The following HMCN2 variants were observed in gnomAD, a reference collection of about 807,000 sequenced individuals.
The protein encoded by HMCN2 is hemicentin 2.
Under a neutral mutation model 377.5 loss-of-function variants are expected in HMCN2, and 325 were observed. That is an observed-to-expected ratio of 0.86 (90% CI 0.79 to 0.94). The LOEUF (loss-of-function observed/expected upper bound fraction) is 0.94. Among genes scored for constraint, HMCN2 ranks in the 40% least tolerant of loss-of-function variants. HMCN2 has a pLI of 0.00. For synonymous variants in HMCN2, 2,007 were observed against 2,046.8 expected, an observed-to-expected ratio of 0.98 and a Z score of 0.53; for missense variants, 4,543 against 4,725.3, an observed-to-expected ratio of 0.96 and a Z score of 1.13.
chr9:130,277,988 C>CCAT lies in HMCN2; in HGVS notation c.260-6615_260-6614insCAT, dbSNP rs1564740124. ...ACCACCATCATCATCACCACCACCA[C>CCAT]GATCATCACCACCACCACCATCATC... On this transcript the variant is annotated intron_variant, in intron 1 of 97. Transcript: ENST00000683500. Among the ~76,000 whole-genome samples the CCAT allele has an allele frequency of 2.5e-4, 16 of 63,622 alleles. 2 individuals carry two copies. Among genetic ancestry groups the CCAT allele is most frequent in the African/African-American group, 3.5e-4 (4 of 11,574 alleles). 41.7% of individuals were successfully genotyped at this position (63,622 alleles called of 152,430 possible).
intron 77 of HMCN2, among the ~76,000 whole-genome samples, chr9:130,402,196 G>C (rs959786711): frequency 6.6e-6 from 1 of 152,244 alleles, no homozygotes; most frequent in Admixed American, 6.5e-5. Context: ...AGGGGCTGTG[G>C]GTGGGCCAGA....
intron 66 of HMCN2, among the ~76,000 whole-genome samples, chr9:130,392,442 C>T (rs528613361): frequency 5.9e-5 from 9 of 152,182 alleles, no homozygotes; most frequent in Non-Finnish European, 1.0e-4. Context: ...AAGAGCAGCT[C>T]AGGAGGAGTG....
At chr9:130,404,758 C>A in intron 80 of HMCN2, 111 bp from the exon 81 acceptor site, 1 of 674,502 alleles carries the variant, frequency 1.5e-6, no homozygotes, top group Non-Finnish European at 2.1e-6. Flanking sequence ...TTGGAGGGGG[C>A]AGCTGATGGC....
rs781338494 is a variant in HMCN2, at chr9:130,398,641, A to T, written c.11417A>T (p.Lys3806Met). 1.6e-6 allele frequency: 2 copies of T among 1,289,446 alleles called. No homozygotes were observed. The highest frequency in any genetic ancestry group is 2.5e-5 in the South Asian group (2 of 80,994). The allele number at this position is 1,289,446 out of a possible 1,614,324, so 79.9% of individuals were successfully genotyped here. Residue 3806 changes from lysine to methionine, a missense_variant, in exon 75 of 98, where the codon AAG becomes ATG. By Grantham distance (95) the Lys-to-Met change is moderately conservative. Around this residue, in one of 5 missense-constraint regions of HMCN2, gnomAD observed 1,073 missense variants for 1,319.5 expected, o/e 0.81. Transcript: ENST00000683500. ...LLPCEASGSP[K>M]PLVVWWKDGQ... ...CCCTGCGAGGCCAGCGGCTCCCCTA[A>T]GCCCCTGGTGGTCTGGTGGAAGGAC...
At chr9:130,310,751 G>A (rs1300587144) in intron 15 of HMCN2, among the ~76,000 whole-genome samples, 5 of 152,204 alleles carry the variant, frequency 3.3e-5, no homozygotes, top group Admixed American at 6.5e-5. Context: ...GCCCACCGCA[G>A]ACAGTTTGGT....
intron 11 of HMCN2, among the ~76,000 whole-genome samples, chr9:130,305,560 T>A (rs781788060): frequency 1.3e-5 from 2 of 151,598 alleles, no homozygotes; most frequent in Non-Finnish European, 2.9e-5. Context: ...GCTGCCAGAG[T>A]GTGTTGGGCA....
chr9:130,277,680 T>TACCACCATCATCATCACCACC (rs1554923584), intron 1 of HMCN2, among the ~76,000 whole-genome samples: 9 of 143,918 alleles, frequency 6.3e-5, no homozygotes, highest in Non-Finnish European at 7.7e-5. Context: ...ACATCACTAT[T>TACCACCATCATCATCACCACC]ACCACCATCA....
At chr9:130,395,371 G>C (rs1842559901) in intron 71 of HMCN2, 24 bp downstream of exon 71, 2 of 1,277,708 alleles carry the variant, frequency 1.6e-6, no homozygotes, top group Non-Finnish European at 2.0e-6. Context: ...AGGGCCCCAG[G>C]GTGCTGCCTT....
Position 130,381,924 on chromosome 9 carries a change from C to T in HMCN2, c.8432-260C>T, listed in dbSNP as rs541563606. Reference sequence around the variant, plus strand: ...GCCATCTGTAAGATGGGAGTGACAACAGCGTGTGCCCCACAGAGGCACTGT... The same window carrying T: ...GCCATCTGTAAGATGGGAGTGACAATAGCGTGTGCCCCACAGAGGCACTGT... On this transcript the variant is annotated intron_variant, in intron 54 of 97. Coordinates refer to ENST00000683500, the MANE Select transcript of HMCN2 (RefSeq NM_001291815.2). Among the ~76,000 whole-genome samples, 10 of 152,288 alleles carry T rather than the reference C, an allele frequency of 6.6e-5. No homozygotes were observed. In the South Asian group the frequency reaches 1.9e-3, roughly 28 times the overall value.
chr9:130,351,458 A>G lies in HMCN2; in HGVS notation c.4466A>G (p.Gln1489Arg), dbSNP rs1398458061. Residue 1489 changes from glutamine to arginine, a missense_variant, in exon 30 of 98, where the codon CAG becomes CGG. Transcript: ENST00000683500. This position sits in a 1 kb window ranked among gnomAD's most constrained non-coding sequence, Gnocchi z 5.4. ...CCGGGAGGCCCTCACCTGCAGGTCC[A>G]GGAGGATGGCCAGGTTCTCAGGATC... ...VLPGGPHLQV[Q>R]EDGQVLRITG... 7.7e-7 allele frequency: 1 copy of G among 1,304,084 alleles called. No individual in the cohort carries two copies. The highest frequency in any genetic ancestry group is 1.0e-6 in the Non-Finnish European group (1 of 988,940). 80.8% of individuals were successfully genotyped at this position (1,304,084 alleles called of 1,614,324 possible).
intron 19 of HMCN2, among the ~76,000 whole-genome samples, chr9:130,324,367 G>C (rs1327069315): frequency 6.6e-6 from 1 of 152,196 alleles, no homozygotes; most frequent in Non-Finnish European, 1.5e-5. Context: ...TAAAAAAACA[G>C]ACTGGACTTT....
intron 1 of HMCN2, among the ~76,000 whole-genome samples, chr9:130,267,102 T>C (rs1270359487): frequency 4.6e-5 from 7 of 151,934 alleles, no homozygotes; most frequent in Non-Finnish European, 8.8e-5. Context: ...TACGCCACCA[T>C]GCCTGGCTGA....
intron 90 of HMCN2, 102 bp downstream of exon 90, chr9:130,426,026 C>T (rs544676888): frequency 3.3e-5 from 29 of 879,350 alleles, no homozygotes; most frequent in Non-Finnish European, 4.9e-5. Flanking sequence ...CTAACATCCA[C>T]TGACCATGGG....
intron 55 of HMCN2, 41 bp downstream of exon 55, chr9:130,382,338 A>C: frequency 1.1e-6 from 1 of 914,580 alleles, no homozygotes; most frequent in Non-Finnish European, 1.3e-6. Flanking sequence ...CCGGGACTGC[A>C]AGCGCCGTAA....
intron 22 of HMCN2, among the ~76,000 whole-genome samples, chr9:130,332,319 G>A (rs1474994299): frequency 6.6e-6 from 1 of 152,364 alleles, no homozygotes; most frequent in East Asian, 1.9e-4. Context: ...GTCGCACAGT[G>A]TGAGGGTCCA....
At chr9:130,421,266 C>G (rs578112108) in intron 86 of HMCN2, among the ~76,000 whole-genome samples, 1 of 152,232 alleles carries the variant, frequency 6.6e-6, no homozygotes, top group South Asian at 2.1e-4. Flanking sequence ...AAATGAGCAA[C>G]GTAGTTTATT....
At chr9:130,426,707 G>A (rs369168341) in intron 90 of HMCN2, among the ~76,000 whole-genome samples, 2 of 152,094 alleles carry the variant, frequency 1.3e-5, no homozygotes, top group Admixed American at 6.5e-5. Context: ...AGCTTTGAAT[G>A]CGGCCCAACA....
chr9:130,375,261 AGCC>A (rs560370878), intron 49 of HMCN2, among the ~76,000 whole-genome samples: 13 of 152,210 alleles, frequency 8.5e-5, no homozygotes, highest in African/African-American at 1.2e-4. Context: ...AGAATTGAGA[AGCC>A]TCTGGTTAAT....
intron 85 of HMCN2, among the ~76,000 whole-genome samples, chr9:130,411,299 T>C (rs1434844017): frequency 6.6e-6 from 1 of 151,796 alleles, no homozygotes; most frequent in African/African-American, 2.4e-5. Flanking sequence ...TATTTAACCT[T>C]AAAAAGGAAG....
Sources: allele counts gnomAD v4.1 joint callset (sites outside exome capture counted in the v4.1 genomes callset), GRCh38; gene constraint gnomAD v4.1.1; regional missense constraint gnomAD v4.1.1; non-coding constraint Gnocchi (gnomAD v3.1); transcripts MANE v1.5; gene names NCBI Gene and HGNC (gene_info 2026-07-23, HGNC 2026-07-21).